The following ARHGAP24 variants were observed in gnomAD, a reference collection of about 807,000 sequenced individuals.
ARHGAP24 encodes rho GTPase-activating protein 24.
A neutral mutation model predicts 76.4 loss-of-function variants in ARHGAP24; 50 were observed. The ratio of observed to expected loss-of-function variants is 0.65; its 90% CI spans 0.52 to 0.83. ARHGAP24 has a LOEUF of 0.83. Among genes scored for constraint, ARHGAP24 ranks in the 40% least tolerant of loss-of-function variants. The pLI is 0.00. For synonymous variants in ARHGAP24, 345 were observed against 323.3 expected, an observed-to-expected ratio of 1.07 and a Z score of -0.72; for missense variants, 930 against 914.2, an observed-to-expected ratio of 1.02 and a Z score of -0.22.
At position 85,721,958 on chromosome 4, in the gene ARHGAP24, T is replaced by C. The variant is rs768207696; in HGVS notation, c.254T>C (p.Phe85Ser). The C allele has an allele frequency of 1.9e-6, 3 of 1,613,100 alleles. No individual in the cohort carries two copies. The highest frequency in any genetic ancestry group is 1.6e-4 in the Middle Eastern group (1 of 6,076). The part of the protein sequence containing the change: ...CNEENPGKFL[F>S]EVVPGGDRDR... ...GAAGAGAACCCAGGGAAGTTCCTTT[T>C]TGAAGTAGTTCCAGGTAAGATATTT... The change falls in exon 3 of 10, where the codon TTT becomes TCT. Residue 85 changes from phenylalanine (F) to serine (S), a missense_variant. Coordinates refer to ENST00000395184, the MANE Select transcript of ARHGAP24 (RefSeq NM_001025616.3).
At chr4:85,554,604 A>G (rs944663837) in intron 1 of ARHGAP24, among the ~76,000 whole-genome samples, 2 of 151,998 alleles carry the variant, frequency 1.3e-5, no homozygotes, top group Non-Finnish European at 2.9e-5. Flanking sequence ...GCATTATGAA[A>G]TTATTGTAGT....
intron 3 of ARHGAP24, among the ~76,000 whole-genome samples, chr4:85,766,030 T>G (rs1726921149): frequency 6.6e-6 from 1 of 152,168 alleles, no homozygotes; most frequent in Non-Finnish European, 1.5e-5. Context: ...CCACTGCACT[T>G]AATCATTAGT....
chr4:85,611,670 G>A (rs1034378279), intron 2 of ARHGAP24, among the ~76,000 whole-genome samples: 1 of 152,162 alleles, frequency 6.6e-6, no homozygotes, highest in Non-Finnish European at 1.5e-5. Context: ...CCTTTCATGA[G>A]GCAAATGATT....
chr4:85,848,012 G>A (rs1016763761), intron 3 of ARHGAP24, among the ~76,000 whole-genome samples: 2 of 152,098 alleles, frequency 1.3e-5, no homozygotes, highest in Admixed American at 1.3e-4. Flanking sequence ...AAATAGGAGA[G>A]ATAGTCATCT....
chr4:85,733,291 C>T (rs1412742888), intron 3 of ARHGAP24, among the ~76,000 whole-genome samples: 1 of 147,004 alleles, frequency 6.8e-6, no homozygotes, highest in Non-Finnish European at 1.5e-5. Flanking sequence ...TCTCGATCTC[C>T]TGACCTCATG....
rs533414982 is a variant in ARHGAP24, at chr4:85,851,678, C to A, written c.269-71970C>A. Among the ~76,000 whole-genome samples, 10 of 152,232 alleles carry A rather than the reference C, an allele frequency of 6.6e-5. No individual in the cohort carries two copies. The South Asian group carries it at 8.3e-4, about 13-fold the overall frequency. On this transcript the variant is annotated intron_variant, in intron 3 of 9. Coordinates refer to ENST00000395184, the MANE Select transcript of ARHGAP24 (RefSeq NM_001025616.3). ...AAATCTCTCAGGATTTGCTTGTCTG[C>A]AAAGGATTTTGTTTCTCCTTCACTT...
chr4:85,884,037 G>A (rs1733415932), intron 3 of ARHGAP24, among the ~76,000 whole-genome samples: 1 of 152,102 alleles, frequency 6.6e-6, no homozygotes, highest in Non-Finnish European at 1.5e-5. Context: ...ATAGAATCTG[G>A]TCTCACAAAA....
intron 2 of ARHGAP24, among the ~76,000 whole-genome samples, chr4:85,574,466 T>G (rs1024515248): frequency 6.6e-6 from 1 of 152,050 alleles, no homozygotes; most frequent in Non-Finnish European, 1.5e-5. Flanking sequence ...GGTAGATAAA[T>G]TGGGGAAAGG....
At chr4:85,542,345 C>T (rs1428645115) in intron 1 of ARHGAP24, among the ~76,000 whole-genome samples, 2 of 152,032 alleles carry the variant, frequency 1.3e-5, no homozygotes, top group Non-Finnish European at 2.9e-5. Flanking sequence ...TTTTTTGAAT[C>T]TCTGGTCCAC....
intron 5 of ARHGAP24, among the ~76,000 whole-genome samples, chr4:85,962,557 G>A (rs1231076693): frequency 6.6e-6 from 1 of 151,916 alleles, no homozygotes; most frequent in Admixed American, 6.6e-5. Flanking sequence ...GTGTTTTCTT[G>A]TTGTGTCTCT....
chr4:85,742,501 A>T (rs1725863095), intron 3 of ARHGAP24, among the ~76,000 whole-genome samples: 1 of 152,238 alleles, frequency 6.6e-6, no homozygotes, highest in African/African-American at 2.4e-5. Context: ...AAAAAAGGTG[A>T]AAAGTGTGTG....
At position 85,821,034 on chromosome 4, in the gene ARHGAP24, A is replaced by G. The variant is rs948240918; in HGVS notation, c.268+99062A>G. On this transcript the variant is annotated intron_variant, in intron 3 of 9. Coordinates refer to ENST00000395184, the MANE Select transcript of ARHGAP24 (RefSeq NM_001025616.3). ...TATATCTCATTTAAAGATTGGAGGTACAACTAAAAATGCTTATAAAATATT... is the reference window on the plus strand; with the variant it reads ...TATATCTCATTTAAAGATTGGAGGTGCAACTAAAAATGCTTATAAAATATT... Among the ~76,000 whole-genome samples the G allele has an allele frequency of 2.0e-5, 3 of 152,214 alleles. No individual in the cohort carries two copies. The South Asian group carries it at 6.2e-4, about 32-fold the overall frequency.
rs141534720 is a variant in ARHGAP24, at chr4:85,502,051, A to G, written c.-21+26492A>G. ...TGGTTGTAGATATGCGGTGATATTT[A>G]TGAGGCCTCTGTTCTGTTCCATTGG... On this transcript the variant is annotated intron_variant, in intron 1 of 9. Coordinates refer to ENST00000395184, the MANE Select transcript of ARHGAP24 (RefSeq NM_001025616.3). Among the ~76,000 whole-genome samples the G allele has an allele frequency of 3.3e-3, 507 of 151,970 alleles. 3 individuals are homozygous for G. The highest frequency in any genetic ancestry group is 0.011 in the African/African-American group (476 of 41,450).
intron 1 of ARHGAP24, among the ~76,000 whole-genome samples, chr4:85,478,783 TG>T (rs1489506118): frequency 5.3e-5 from 8 of 152,358 alleles, no homozygotes; most frequent in African/African-American, 1.7e-4. Flanking sequence ...TCTTGATTCT[TG>T]GTGGCTCACT....
chr4:85,726,867 A>G (rs1255921346), intron 3 of ARHGAP24, among the ~76,000 whole-genome samples: 1 of 152,166 alleles, frequency 6.6e-6, no homozygotes, highest in Non-Finnish European at 1.5e-5. Context: ...AATTTGATCC[A>G]GGTTAAAAAG....
chr4:85,829,316 T>C (rs774457421), intron 3 of ARHGAP24, among the ~76,000 whole-genome samples: 1 of 152,154 alleles, frequency 6.6e-6, no homozygotes, highest in Non-Finnish European at 1.5e-5. Context: ...TTCAAAACAA[T>C]TAACAAAGAA....
intron 1 of ARHGAP24, among the ~76,000 whole-genome samples, chr4:85,503,477 C>T (rs983757017): frequency 1.2e-4 from 18 of 152,190 alleles, no homozygotes; most frequent in African/African-American, 4.3e-4. Context: ...TTATCCATTT[C>T]TTCTAGATTT....
intron 1 of ARHGAP24, among the ~76,000 whole-genome samples, chr4:85,508,135 T>C (rs1724137516): frequency 6.6e-6 from 1 of 152,176 alleles, no homozygotes. Context: ...GATTGAATTT[T>C]TCCTCTGGAG....
chr4:85,795,790 A>T (rs1384338180), intron 3 of ARHGAP24, among the ~76,000 whole-genome samples: 1 of 152,218 alleles, frequency 6.6e-6, no homozygotes, highest in Non-Finnish European at 1.5e-5. Context: ...CAAAGCCAAA[A>T]CTAAAAGTAA....
Sources: gnomAD v4.1 joint callset for allele counts (sites outside exome capture counted in the v4.1 genomes callset) on GRCh38, gnomAD v4.1.1 for gene constraint, MANE v1.5 for transcripts, NCBI Gene and HGNC (gene_info 2026-07-23, HGNC 2026-07-21) for gene names.